The following BMAL2 variants were observed in gnomAD, a reference collection of about 807,000 sequenced individuals.
BMAL2 encodes the protein basic helix-loop-helix ARNT like 2, also known as basic helix-loop-helix ARNT-like protein 2.
the BMAL2 span, among the ~76,000 whole-genome samples, chr12:27,340,765 G>A: frequency 6.6e-6 from 1 of 152,122 alleles, no homozygotes; most frequent in Non-Finnish European, 1.5e-5. Flanking sequence ...TCCATTTTCT[G>A]TGTCATCTCT....
At chr12:27,424,659 T>C in the BMAL2 span, 1 of 152,212 alleles carries the variant, frequency 6.6e-6, no homozygotes, top group Non-Finnish European at 1.5e-5. Flanking sequence ...CAGATCATGC[T>C]GCCAAGAGGT....
At chr12:27,347,018 C>T in the BMAL2 span, among the ~76,000 whole-genome samples, 343 of 152,308 alleles carry the variant, frequency 2.3e-3, no homozygotes, top group African/African-American at 7.6e-3. Flanking sequence ...CTTTACCTTC[C>T]ACCTTGAGTG....
chr12:27,422,646 G>A, the BMAL2 span: 22 of 152,220 alleles, frequency 1.4e-4, no homozygotes, highest in Admixed American at 1.4e-3. Flanking sequence ...TACAAGATGG[G>A]GAGAATTGGT....
the BMAL2 span, among the ~76,000 whole-genome samples, chr12:27,353,682 G>T: frequency 6.6e-6 from 1 of 151,788 alleles, no homozygotes; most frequent in South Asian, 2.1e-4. Flanking sequence ...ATCTAAAAAA[G>T]GTCAAATATC....
the BMAL2 span, among the ~76,000 whole-genome samples, chr12:27,350,492 C>T: frequency 6.6e-6 from 1 of 152,170 alleles, no homozygotes; most frequent in East Asian, 1.9e-4. Flanking sequence ...AGATGTTCCA[C>T]AGAAGTGGCT....
chr12:27,410,525 C>G, the BMAL2 span, among the ~76,000 whole-genome samples: 1 of 152,082 alleles, frequency 6.6e-6, no homozygotes, highest in Non-Finnish European at 1.5e-5. Context: ...TGTTCTCACT[C>G]ATAGGTGGGA....
chr12:27,387,466 T>C, the BMAL2 span: 1 of 623,176 alleles, frequency 1.6e-6, no homozygotes, highest in Non-Finnish European at 2.8e-6. Flanking sequence ...GATGGAAAGC[T>C]GTGTGGAAAG....
the BMAL2 span, among the ~76,000 whole-genome samples, chr12:27,379,390 G>A: frequency 6.6e-6 from 1 of 152,216 alleles, no homozygotes; most frequent in African/African-American, 2.4e-5. Flanking sequence ...GTAAAGCCTT[G>A]TGAGGGAATG....
At chr12:27,341,689 G>T in the BMAL2 span, among the ~76,000 whole-genome samples, 1 of 152,140 alleles carries the variant, frequency 6.6e-6, no homozygotes, top group Non-Finnish European at 1.5e-5. Flanking sequence ...CTTGATGTGG[G>T]TACGTGCTCC....
At chr12:27,365,191 A>T in the BMAL2 span, among the ~76,000 whole-genome samples, 1 of 152,046 alleles carries the variant, frequency 6.6e-6, no homozygotes, top group Non-Finnish European at 1.5e-5. Context: ...TCTTAAAAAG[A>T]ACACTTTCAA....
the BMAL2 span, chr12:27,416,032 A>C: frequency 2.1e-6 from 2 of 968,322 alleles, no homozygotes; most frequent in Non-Finnish European, 3.1e-6. Flanking sequence ...TTAAGAAAAG[A>C]AGCCATTCTG....
At chr12:27,380,520 G>A in the BMAL2 span, 1 of 1,103,820 alleles carries the variant, frequency 9.1e-7, no homozygotes, top group East Asian at 2.4e-5. Flanking sequence ...GTGTCTTTCA[G>A]CTTTAGAGGT....
chr12:27,400,705 T>G, the BMAL2 span: 3 of 1,613,682 alleles, frequency 1.9e-6, no homozygotes. Context: ...AGTGGAGAGA[T>G]TAATGTGAAA....
chr12:27,367,830 G>GTA, the BMAL2 span, among the ~76,000 whole-genome samples: 12 of 149,378 alleles, frequency 8.0e-5, no homozygotes, highest in South Asian at 2.1e-4. Flanking sequence ...GTGTGTGTGT[G>GTA]TATATATATA....
chr12:27,415,432 C>T, the BMAL2 span, among the ~76,000 whole-genome samples: 1 of 151,992 alleles, frequency 6.6e-6, no homozygotes, highest in Non-Finnish European at 1.5e-5. Flanking sequence ...TGATTTTTAC[C>T]TGAGGATGAC....
chr12:27,396,312 A>G, the BMAL2 span, among the ~76,000 whole-genome samples: 1 of 152,218 alleles, frequency 6.6e-6, no homozygotes, highest in Admixed American at 6.5e-5. Context: ...GAGAAAACAG[A>G]GAAAGGAGTG....
chr12:27,335,165 T>TG, the BMAL2 span, among the ~76,000 whole-genome samples: 1 of 152,226 alleles, frequency 6.6e-6, no homozygotes, highest in African/African-American at 2.4e-5. Context: ...GGCCAGTTGG[T>TG]GGCCATCTAC....
chr12:27,388,554 C>T, the BMAL2 span, among the ~76,000 whole-genome samples: 1 of 151,994 alleles, frequency 6.6e-6, no homozygotes, highest in Admixed American at 6.6e-5. Flanking sequence ...GGGGAGGAAA[C>T]ATTTCAACCT....
the BMAL2 span, chr12:27,400,677 T>C: frequency 6.2e-7 from 1 of 1,613,968 alleles, no homozygotes; most frequent in East Asian, 2.2e-5. Flanking sequence ...ATTACAGCCA[T>C]ATATTGTTCC....
Sources: gnomAD v4.1 joint callset for allele counts (sites outside exome capture counted in the v4.1 genomes callset) on GRCh38, gnomAD v4.1.1 for gene constraint, MANE v1.5 for transcripts, NCBI Gene and HGNC (gene_info 2026-07-23, HGNC 2026-07-21) for gene names.